Variants in DIP2B observed in about 807,000 individuals in gnomAD.
DIP2B encodes DIP2 acetate--CoA ligase B (putative).
A neutral mutation model predicts 198.0 loss-of-function variants in DIP2B; 76 were observed. That is an observed-to-expected ratio of 0.38 (90% CI 0.32 to 0.46). The LOEUF (loss-of-function observed/expected upper bound fraction) is 0.46, where lower values mean the gene tolerates loss of function less well. Among genes scored for constraint, DIP2B ranks in the 20% least tolerant of loss-of-function variants. The pLI, the probability that DIP2B is intolerant of heterozygous loss-of-function variation, is 0.99. For synonymous variants in DIP2B, 701 were observed against 739.1 expected (o/e 0.95, Z 0.84); for missense variants, 1,559 against 1,978.4 (o/e 0.79, Z 4.02).
At chr12:50,695,459 C>A in intron 15 of DIP2B, 99 bp downstream of exon 15, 1 of 1,119,138 alleles carries the variant, frequency 8.9e-7, no homozygotes, top group South Asian at 1.3e-5. Context: ...TGCCCCTGTC[C>A]CTTAACAAAT....
intron 1 of DIP2B, among the ~76,000 whole-genome samples, chr12:50,512,161 C>T (rs1231388044): frequency 1.4e-5 from 2 of 140,426 alleles, no homozygotes; most frequent in African/African-American, 2.6e-5. Context: ...GGCTGGAGTA[C>T]AGTGGCGTGA....
At chr12:50,657,569 A>G (rs1342899875) in intron 3 of DIP2B, among the ~76,000 whole-genome samples, 4 of 151,900 alleles carry the variant, frequency 2.6e-5, no homozygotes, top group Non-Finnish European at 5.9e-5. Flanking sequence ...AAGCAGGAGG[A>G]TTCCTTGAGA....
intron 1 of DIP2B, among the ~76,000 whole-genome samples, chr12:50,545,291 A>T (rs970056840): frequency 1.3e-5 from 2 of 151,736 alleles, no homozygotes; most frequent in Non-Finnish European, 2.9e-5. Context: ...ACTTACCAAT[A>T]CTTGCTTGCT....
intron 10 of DIP2B, among the ~76,000 whole-genome samples, 183 bp downstream of exon 10, chr12:50,683,431 A>G (rs954776784): frequency 6.6e-6 from 1 of 152,230 alleles, no homozygotes; most frequent in Non-Finnish European, 1.5e-5. Flanking sequence ...GTTTTATGCA[A>G]ATAACATATT....
At chr12:50,570,914 A>C (rs1958607011) in intron 1 of DIP2B, among the ~76,000 whole-genome samples, 1 of 152,216 alleles carries the variant, frequency 6.6e-6, no homozygotes. Flanking sequence ...TTTTTTCAAC[A>C]AAACTTTTAT....
intron 1 of DIP2B, among the ~76,000 whole-genome samples, chr12:50,609,446 A>G (rs1959012819): frequency 6.6e-6 from 1 of 152,232 alleles, no homozygotes; most frequent in Middle Eastern, 3.2e-3. Flanking sequence ...ACTCTGCTTC[A>G]TGAGGGTATT....
chr12:50,626,795 G>C (rs988860964), intron 2 of DIP2B, among the ~76,000 whole-genome samples: 3 of 136,224 alleles, frequency 2.2e-5, no homozygotes, highest in African/African-American at 8.3e-5. Context: ...TTTTTTTACT[G>C]AATTATAAAT....
At chr12:50,518,405 G>A (rs1272414777) in intron 1 of DIP2B, among the ~76,000 whole-genome samples, 3 of 152,084 alleles carry the variant, frequency 2.0e-5, no homozygotes, top group Non-Finnish European at 4.4e-5. Flanking sequence ...TTGTATTTTA[G>A]TAGAGATGGA....
chr12:50,684,821 G>GT (rs1394997402), intron 10 of DIP2B, among the ~76,000 whole-genome samples: 1 of 151,262 alleles, frequency 6.6e-6, no homozygotes, highest in Non-Finnish European at 1.5e-5. Context: ...CCGGGCCGCA[G>GT]TGGCTTATGC....
intron 14 of DIP2B, among the ~76,000 whole-genome samples, chr12:50,694,504 AATACATAC>A (rs59419587): frequency 0.2 from 29,111 of 143,322 alleles, 3,563 homozygotes; most frequent in African/African-American, 0.35. Context: ...CAGATAAATA[AATACATAC>A]ATACATACAT....
At chr12:50,569,040 A>AT (rs1156363200) in intron 1 of DIP2B, among the ~76,000 whole-genome samples, 3 of 148,426 alleles carry the variant, frequency 2.0e-5, no homozygotes, top group African/African-American at 4.9e-5. Context: ...TGCATGGTGA[A>AT]TTTTTTTTTC....
At chr12:50,599,965 A>C (rs1432664581) in intron 1 of DIP2B, among the ~76,000 whole-genome samples, 1 of 152,206 alleles carries the variant, frequency 6.6e-6, no homozygotes, top group Non-Finnish European at 1.5e-5. Context: ...TTCACATTCA[A>C]CTGCTTCCAT....
intron 1 of DIP2B, among the ~76,000 whole-genome samples, chr12:50,593,593 G>A: frequency 6.6e-6 from 1 of 151,052 alleles, no homozygotes. Context: ...AGATGAGAAA[G>A]AGCCCATCAG....
rs1317188691 is a variant in DIP2B at position 50,589,286 on chromosome 12, G to A, written c.101-36690G>A. On this transcript the variant is annotated intron_variant, in intron 1 of 37. Coordinates refer to ENST00000301180, the MANE Select transcript of DIP2B (RefSeq NM_173602.3). ...GTACCACTCTTTTGCCCAGGCTGGAGTGCAGTGGCTTGATTCTCCTGCCTC... is the reference window on the plus strand; with the variant it reads ...GTACCACTCTTTTGCCCAGGCTGGAATGCAGTGGCTTGATTCTCCTGCCTC... Among the ~76,000 whole-genome samples, 6 of 149,824 alleles carry A rather than the reference G, an allele frequency of 4.0e-5. No individual in the cohort carries two copies. In the East Asian group the frequency reaches 9.8e-4, roughly 24 times the overall value.
At chr12:50,739,303 T>C (rs911169108) in intron 35 of DIP2B, 106 bp from the exon 36 acceptor site, 2 of 1,281,584 alleles carry the variant, frequency 1.6e-6, no homozygotes, top group Non-Finnish European at 2.2e-6. Context: ...AGTTGTGTTG[T>C]TGTTAATATA....
chr12:50,703,949 G>A (rs919864286), intron 19 of DIP2B, among the ~76,000 whole-genome samples, 191 bp from the exon 20 acceptor site: 2 of 148,764 alleles, frequency 1.3e-5, no homozygotes, highest in Non-Finnish European at 3.0e-5. Context: ...ATTTATATAT[G>A]TATCTTCTTA....
At chr12:50,665,734 G>A (rs1473839167) in intron 4 of DIP2B, among the ~76,000 whole-genome samples, 2 of 149,444 alleles carry the variant, frequency 1.3e-5, no homozygotes, top group African/African-American at 2.5e-5. Context: ...CATAATCACA[G>A]CACTGTACTC....
At chr12:50,685,191 T>A (rs1198523399) in intron 10 of DIP2B, among the ~76,000 whole-genome samples, 2 of 152,228 alleles carry the variant, frequency 1.3e-5, no homozygotes, top group Admixed American at 1.3e-4. Flanking sequence ...CTTCATTTGA[T>A]CAGGAAATCA....
Position 50,706,592 on chromosome 12 carries a change from C to T in DIP2B, c.2461C>T (p.Arg821Ter), listed in dbSNP as rs1261122361. The change falls in exon 21 of 38, where the codon CGA becomes TGA. Residue 821 changes from arginine (R) to a stop codon, truncating the protein, a stop_gained. Coordinates refer to ENST00000301180, the MANE Select transcript of DIP2B (RefSeq NM_173602.3). LOFTEE classifies it high-confidence loss of function. ...GGATGGCTTACTGATGGTTAGTGGT[C>T]GAAGACATAATGCTGATGACATTGT... Reference protein sequence around the residue: ...KMDGLLMVSGRRHNADDIVAT... With the variant: ...KMDGLLMVSG 1.9e-6 allele frequency: 3 copies of T among 1,613,868 alleles called. No individual in the cohort carries two copies. The highest frequency in any genetic ancestry group is 1.3e-5 in the African/African-American group (1 of 74,980).
Sources: allele counts gnomAD v4.1 joint callset (sites outside exome capture counted in the v4.1 genomes callset), GRCh38; gene constraint gnomAD v4.1.1; transcripts MANE v1.5; gene names NCBI Gene and HGNC (gene_info 2026-07-23, HGNC 2026-07-21).